BCAR3: variants seen among roughly 807,000 people sequenced by gnomAD.
BCAR3 encodes breast cancer anti-estrogen resistance protein 3.
In BCAR3, 37 loss-of-function variants were observed where a neutral mutation model predicts 80.1. That is an observed-to-expected ratio of 0.46 (90% CI 0.36 to 0.61). The LOEUF (loss-of-function observed/expected upper bound fraction) is 0.61, where lower values mean the gene tolerates loss of function less well. Among genes scored for constraint, BCAR3 ranks in the 20% least tolerant of loss-of-function variants. BCAR3 has a pLI of 0.00. For missense variants in BCAR3, 978 were observed against 1,068.2 expected (o/e 0.92, Z 1.18); for synonymous variants, 389 against 418.9 (o/e 0.93, Z 0.87).
intron 2 of BCAR3, among the ~76,000 whole-genome samples, chr1:93,643,589 A>AGTCAAAT (rs1312259137): frequency 9.8e-4 from 148 of 151,520 alleles, no homozygotes; most frequent in African/African-American, 3.2e-3. Flanking sequence ...TTTTTTTAAA[A>AGTCAAAT]ATACAGAGAG....
intron 3 of BCAR3, among the ~76,000 whole-genome samples, chr1:93,607,889 C>T (rs932437350): frequency 6.6e-6 from 1 of 152,186 alleles, no homozygotes; most frequent in East Asian, 1.9e-4. Flanking sequence ...CTCCATCCGC[C>T]CACCAGACAC....
chr1:93,615,307 T>C (rs950919441), intron 3 of BCAR3, among the ~76,000 whole-genome samples: 6 of 151,990 alleles, frequency 3.9e-5, no homozygotes, highest in Admixed American at 2.0e-4. Flanking sequence ...CCCACAAAAA[T>C]AGGAAATTGC....
chr1:93,833,054 T>C (rs565142094), intron 2 of BCAR3, among the ~76,000 whole-genome samples: 5 of 152,258 alleles, frequency 3.3e-5, no homozygotes, highest in Admixed American at 1.3e-4. Flanking sequence ...AATATTTCAA[T>C]GTAGGTTCTT....
At chr1:93,771,170 A>T (rs1404025693) in intron 2 of BCAR3, among the ~76,000 whole-genome samples, 3 of 152,298 alleles carry the variant, frequency 2.0e-5, no homozygotes, top group Non-Finnish European at 4.4e-5. Flanking sequence ...CATTTTATTG[A>T]TGGAGAAATG....
At chr1:93,660,724 T>TG (rs1647608528) in intron 2 of BCAR3, among the ~76,000 whole-genome samples, 1 of 152,232 alleles carries the variant, frequency 6.6e-6, no homozygotes, top group South Asian at 2.1e-4. Context: ...TTTATTTGTT[T>TG]GTTTGTTTGA....
intron 2 of BCAR3, chr1:93,775,167 A>C (rs1049586230): frequency 6.6e-6 from 1 of 152,216 alleles, no homozygotes; most frequent in Admixed American, 6.5e-5. Flanking sequence ...CAGTCCTAGA[A>C]TCTTTCAACG....
chr1:93,567,315 C>T lies in BCAR3; in HGVS notation c.2263G>A (p.Asp755Asn), dbSNP rs1672992672. ...ATARFMAEAA[D>N]SYRMNAERIL... The stretch of plus-strand genomic sequence containing the variant: ...CTCTCAGCATTCATCCGGTAGCTGT[C>T]TGCAGCCTCGGCCATGAATCGCGCT... The change falls in exon 11 of 12, where the codon GAC (aspartate) becomes AAC (asparagine). Residue 755 changes from aspartate to asparagine, a missense_variant. Transcript: ENST00000260502. 1.9e-6 allele frequency: 3 copies of T among 1,614,192 alleles called. No individual in the cohort carries two copies. Among genetic ancestry groups the T allele is most frequent in the East Asian group, 2.2e-5 (1 of 44,878 alleles).
At chr1:93,826,180 T>C (rs565591430) in intron 2 of BCAR3, among the ~76,000 whole-genome samples, 11 of 152,268 alleles carry the variant, frequency 7.2e-5, no homozygotes, top group African/African-American at 2.2e-4. Context: ...AGGAGGGCAC[T>C]GTCTGGGAGC....
intron 8 of BCAR3, among the ~76,000 whole-genome samples, chr1:93,572,861 C>T (rs1375722668): frequency 2.6e-5 from 4 of 152,204 alleles, no homozygotes; most frequent in Non-Finnish European, 5.9e-5. Context: ...GTGTGTTGGT[C>T]GGTCTCTTGC....
intron 2 of BCAR3, among the ~76,000 whole-genome samples, chr1:93,812,053 G>A (rs1339215033): frequency 6.6e-6 from 1 of 152,108 alleles, no homozygotes; most frequent in African/African-American, 2.4e-5. Context: ...ATGAAAGCTC[G>A]TGCTTAATTT....
chr1:93,613,261 G>A (rs1675008199), intron 3 of BCAR3, among the ~76,000 whole-genome samples: 1 of 152,188 alleles, frequency 6.6e-6, no homozygotes, highest in Non-Finnish European at 1.5e-5. Flanking sequence ...AGCCAAAGGA[G>A]GTTCTCTGAA....
chr1:93,688,551 G>A (rs757953654), intron 3 of BCAR3, among the ~76,000 whole-genome samples: 28 of 151,798 alleles, frequency 1.8e-4, no homozygotes, highest in Admixed American at 7.2e-4. Flanking sequence ...TACAGTAAGC[G>A]TGTGTGTGTC....
chr1:93,822,343 A>T (rs1557699899), intron 2 of BCAR3, among the ~76,000 whole-genome samples: 1 of 142,876 alleles, frequency 7.0e-6, no homozygotes, highest in Non-Finnish European at 1.5e-5. Flanking sequence ...CGCATGGCTA[A>T]TTTTTTTTTT....
At position 93,832,381 on chromosome 1, in the gene BCAR3, C is replaced by A. The variant is rs562168174; in HGVS notation, c.-63+13186G>T. Among the ~76,000 whole-genome samples the A allele has an allele frequency of 2.0e-5, 3 of 152,190 alleles. No individual in the cohort carries two copies. In the South Asian group the frequency reaches 6.2e-4, roughly 32 times the overall value. On this transcript the variant is annotated intron_variant, in intron 2 of 13. Transcript: ENST00000370244. The stretch of plus-strand genomic sequence containing the variant: ...TGGGCCAAGGAATGCCTGCAGCCTG[C>A]GATTCCTCCTAAGCCATGTTCCATC...
At chr1:93,618,386 G>A (rs751965014) in intron 3 of BCAR3, among the ~76,000 whole-genome samples, 1 of 152,178 alleles carries the variant, frequency 6.6e-6, no homozygotes, top group Non-Finnish European at 1.5e-5. Context: ...GTCTCTATCC[G>A]GAAGCAATAT....
chr1:93,621,403 C>CT (rs1426177696), intron 3 of BCAR3, among the ~76,000 whole-genome samples: 1 of 152,154 alleles, frequency 6.6e-6, no homozygotes, highest in Non-Finnish European at 1.5e-5. Flanking sequence ...GGGGTTATGA[C>CT]TTTTACCCAA....
chr1:93,646,593 A>C, intron 2 of BCAR3: 1 of 145,708 alleles, frequency 6.9e-6, no homozygotes, highest in East Asian at 2.0e-4. Flanking sequence ...CAAGAGCAAA[A>C]CTCCGTCTCA....
At chr1:93,764,273 C>T (rs916263281) in intron 2 of BCAR3, among the ~76,000 whole-genome samples, 10 of 152,068 alleles carry the variant, frequency 6.6e-5, no homozygotes, top group Non-Finnish European at 1.3e-4. Context: ...TCATTCCTTC[C>T]TGTGATGATG....
At chr1:93,722,110 G>T (rs375753296) in intron 2 of BCAR3, among the ~76,000 whole-genome samples, 18 of 152,332 alleles carry the variant, frequency 1.2e-4, no homozygotes, top group African/African-American at 4.3e-4. Context: ...TCTCGGCCAG[G>T]TCCCATGGGG....
Sources: allele counts gnomAD v4.1 joint callset (sites outside exome capture counted in the v4.1 genomes callset), GRCh38; gene constraint gnomAD v4.1.1; transcripts MANE v1.5; gene names NCBI Gene and HGNC (gene_info 2026-07-23, HGNC 2026-07-21).